SNX9: variants seen among roughly 807,000 people sequenced by gnomAD.
The protein encoded by SNX9 is sorting nexin 9.
In SNX9, 44 loss-of-function variants were observed where a neutral mutation model predicts 89.4. The ratio of observed to expected loss-of-function variants is 0.49; its 90% CI spans 0.39 to 0.63. The LOEUF (loss-of-function observed/expected upper bound fraction) is 0.63. SNX9 is among the 30% of genes least tolerant of loss of function. SNX9 has a pLI of 0.00. For synonymous variants in SNX9, 236 were observed against 247.8 expected (o/e 0.95, Z 0.45); for missense variants, 578 against 736.1 (o/e 0.79, Z 2.49).
chr6:157,853,656 A>C (rs1172998943), intron 1 of SNX9, among the ~76,000 whole-genome samples: 1 of 152,104 alleles, frequency 6.6e-6, no homozygotes, highest in Non-Finnish European at 1.5e-5. Flanking sequence ...TAGCAGAACC[A>C]CCTTTTGTAG....
intron 1 of SNX9, among the ~76,000 whole-genome samples, chr6:157,835,074 A>T (rs571450191): frequency 6.6e-6 from 1 of 151,368 alleles, no homozygotes; most frequent in African/African-American, 2.4e-5. Flanking sequence ...GTGCAGTGGC[A>T]TGATCTCAGC....
intron 1 of SNX9, among the ~76,000 whole-genome samples, chr6:157,833,182 C>T (rs1194534215): frequency 6.6e-6 from 1 of 151,988 alleles, no homozygotes; most frequent in Non-Finnish European, 1.5e-5. Context: ...TAAATAGTTG[C>T]CTATTGCATA....
intron 1 of SNX9, among the ~76,000 whole-genome samples, chr6:157,844,279 G>A (rs548893473): frequency 6.6e-6 from 1 of 152,276 alleles, no homozygotes; most frequent in South Asian, 2.1e-4. Flanking sequence ...ACTCAAATCA[G>A]TCTACCCATA....
chr6:157,875,930 C>T (rs905189283), intron 4 of SNX9, among the ~76,000 whole-genome samples: 4 of 151,544 alleles, frequency 2.6e-5, no homozygotes, highest in African/African-American at 9.7e-5. Context: ...TGCTTGAGTG[C>T]TGGAGTTCGA....
chr6:157,876,848 G>A (rs527292912), intron 4 of SNX9, among the ~76,000 whole-genome samples: 1 of 152,360 alleles, frequency 6.6e-6, no homozygotes, highest in African/African-American at 2.4e-5. Flanking sequence ...CCTACCAGGT[G>A]CCAGTCACAT....
intron 1 of SNX9, among the ~76,000 whole-genome samples, chr6:157,854,077 A>G (rs968641636): frequency 1.4e-4 from 21 of 152,226 alleles, no homozygotes; most frequent in Non-Finnish European, 2.4e-4. Context: ...GACCTTGTAA[A>G]TACACACACT....
intron 9 of SNX9, among the ~76,000 whole-genome samples, chr6:157,921,259 G>T (rs944242717): frequency 6.6e-6 from 1 of 152,130 alleles, no homozygotes; most frequent in East Asian, 1.9e-4. Flanking sequence ...AGCACCTTGA[G>T]GTTGTCATTA....
chr6:157,938,879 G>T, intron 16 of SNX9, 132 bp downstream of exon 16: 1 of 609,906 alleles, frequency 1.6e-6, no homozygotes, highest in South Asian at 2.7e-5. Context: ...CTCGTTTGCA[G>T]GATCCCGGTG....
At chr6:157,828,959 T>C (rs1781433603) in intron 1 of SNX9, among the ~76,000 whole-genome samples, 1 of 152,166 alleles carries the variant, frequency 6.6e-6, no homozygotes, top group Non-Finnish European at 1.5e-5. Flanking sequence ...TGATCACTTT[T>C]GTATCTTCAA....
intron 5 of SNX9, among the ~76,000 whole-genome samples, chr6:157,900,867 G>A (rs758067905): frequency 3.9e-5 from 6 of 152,196 alleles, no homozygotes; most frequent in Admixed American, 6.5e-5. Flanking sequence ...GAAACAGGAC[G>A]TGAAGCTAGA....
intron 2 of SNX9, 93 bp downstream of exon 2, chr6:157,867,726 C>T (rs1782297319): frequency 1.0e-6 from 1 of 976,414 alleles, no homozygotes; most frequent in African/African-American, 1.7e-5. Context: ...TCTGATTGTC[C>T]CATGTGGACT....
chr6:157,901,587 A>C (rs1001553019), intron 5 of SNX9, among the ~76,000 whole-genome samples: 1 of 152,004 alleles, frequency 6.6e-6, no homozygotes, highest in Non-Finnish European at 1.5e-5. Flanking sequence ...ACGACTTACT[A>C]AAGAGACTGC....
chr6:157,847,590 A>C (rs1009558086), intron 1 of SNX9, among the ~76,000 whole-genome samples: 1 of 152,088 alleles, frequency 6.6e-6, no homozygotes, highest in Non-Finnish European at 1.5e-5. Context: ...AGTGGCAAGC[A>C]GGAATGTGGG....
chr6:157,891,915 G>T (rs572009979), intron 4 of SNX9, among the ~76,000 whole-genome samples: 2 of 152,306 alleles, frequency 1.3e-5, no homozygotes, highest in African/African-American at 4.8e-5. Flanking sequence ...TAGGGAGAAT[G>T]GGGAATGCAG....
intron 9 of SNX9, among the ~76,000 whole-genome samples, chr6:157,912,704 G>A (rs1426225791): frequency 1.3e-5 from 2 of 152,118 alleles, no homozygotes; most frequent in East Asian, 1.9e-4. Context: ...CTGTGGACTC[G>A]ATAATTCATG....
intron 13 of SNX9, among the ~76,000 whole-genome samples, chr6:157,935,321 G>A (rs901445044): frequency 1.3e-5 from 2 of 152,140 alleles, no homozygotes; most frequent in African/African-American, 4.8e-5. Flanking sequence ...TCTAGGTAAC[G>A]ATCATTTTCT....
chr6:157,855,549 C>T (rs1037941236), intron 1 of SNX9, among the ~76,000 whole-genome samples: 106 of 152,226 alleles, frequency 7.0e-4, no homozygotes, highest in African/African-American at 2.5e-3. Flanking sequence ...GTTTTGCTTT[C>T]GTTTTTTGGT....
intron 14 of SNX9, 42 bp downstream of exon 14, chr6:157,936,082 A>G (rs1431945852): frequency 4.0e-6 from 6 of 1,482,254 alleles, no homozygotes; most frequent in South Asian, 3.6e-5. Context: ...ATTTGTTGCT[A>G]TCTAGTCCAC....
chr6:157,883,678 G>C (rs1782674526), intron 4 of SNX9, among the ~76,000 whole-genome samples: 1 of 152,126 alleles, frequency 6.6e-6, no homozygotes, highest in Non-Finnish European at 1.5e-5. Flanking sequence ...GTCCCATGCT[G>C]TCTCACCTTT....
Sources: allele counts gnomAD v4.1 joint callset (sites outside exome capture counted in the v4.1 genomes callset), GRCh38; gene constraint gnomAD v4.1.1; transcripts MANE v1.5; gene names NCBI Gene and HGNC (gene_info 2026-07-23, HGNC 2026-07-21).